The following IL12RB2 variants were observed in gnomAD, a reference collection of about 807,000 sequenced individuals.
IL12RB2 encodes the protein interleukin 12 receptor subunit beta 2.
A neutral mutation model predicts 89.4 loss-of-function variants in IL12RB2; 82 were observed. That is an observed-to-expected ratio of 0.92 (90% CI 0.77 to 1.10). IL12RB2 has a LOEUF of 1.10. Ranked by LOEUF, IL12RB2 falls within the 50% of genes least tolerant of loss-of-function variation. The pLI is 0.00. For synonymous variants in IL12RB2, 368 were observed against 370.1 expected (o/e 0.99, Z 0.07); for missense variants, 963 against 1,031.9 (o/e 0.93, Z 0.92).
chr1:67,394,481 G>T (rs905989454), intron 16 of IL12RB2, among the ~76,000 whole-genome samples: 1 of 151,870 alleles, frequency 6.6e-6, no homozygotes, highest in Non-Finnish European at 1.5e-5. Context: ...ATAAGTGAGA[G>T]AATTAATTAA....
At chr1:67,364,836 T>C (rs1331277646) in intron 10 of IL12RB2, among the ~76,000 whole-genome samples, 1 of 152,200 alleles carries the variant, frequency 6.6e-6, no homozygotes, top group Non-Finnish European at 1.5e-5. Context: ...GCCAACATCA[T>C]CTAACAACAG....
rs951267896 is a variant in IL12RB2, at chr1:67,398,446, C to T, written c.*2357C>T. Among the ~76,000 whole-genome samples the T allele has an allele frequency of 4.0e-5, 6 of 151,878 alleles. No homozygotes were observed. The highest frequency in any genetic ancestry group is 7.4e-5 in the Non-Finnish European group (5 of 67,972). On this transcript the variant is annotated 3_prime_UTR_variant, in exon 17 of 17. Transcript: ENST00000674203. ...TACCAAGTCTCCCATTTAACCTCCC[C>T]ATCCTTTTCTTTCCCTTAAAGTCTC... is the stretch of plus-strand genomic sequence containing the variant.
intron 16 of IL12RB2, among the ~76,000 whole-genome samples, chr1:67,391,388 T>TAC (rs111985818): frequency 0.054 from 7,749 of 144,360 alleles, 277 homozygotes; most frequent in Admixed American, 0.075. Flanking sequence ...TGTGTGTCTA[T>TAC]ACACACACAC....
intron 8 of IL12RB2, 52 bp downstream of exon 8, chr1:67,330,862 G>T (rs764144222): frequency 2.1e-6 from 2 of 960,312 alleles, no homozygotes; most frequent in Non-Finnish European, 3.4e-6. Context: ...GGGGAGAGAG[G>T]GGGGAAGATG....
At chr1:67,355,174 G>A (rs1465992499) in intron 10 of IL12RB2, among the ~76,000 whole-genome samples, 1 of 152,174 alleles carries the variant, frequency 6.6e-6, no homozygotes, top group African/African-American at 2.4e-5. Context: ...AGGACTTTGG[G>A]AGGCCGAGGC....
chr1:67,395,474 GGAACCCTGGA>G, intron 16 of IL12RB2, 63 bp from the exon 17 acceptor site: 1 of 1,612,828 alleles, frequency 6.2e-7, no homozygotes, highest in Admixed American at 1.7e-5. Flanking sequence ...GAGGCCTTTG[GGAACCCTGGA>G]GAAATAGGTT....
intron 2 of IL12RB2, among the ~76,000 whole-genome samples, chr1:67,315,430 ATTCAT>A (rs1655634595): frequency 6.6e-6 from 1 of 152,282 alleles, no homozygotes; most frequent in Non-Finnish European, 1.5e-5. Context: ...CTATGTAGCC[ATTCAT>A]TCAGTTATCT....
intron 10 of IL12RB2, among the ~76,000 whole-genome samples, chr1:67,363,005 C>T (rs12041522): frequency 0.14 from 20,720 of 151,258 alleles, 2,115 homozygotes; most frequent in African/African-American, 0.28. Flanking sequence ...CTGGTTCAAG[C>T]GATTCTCCTG....
intron 7 of IL12RB2, among the ~76,000 whole-genome samples, chr1:67,330,278 A>ATTTTTT (rs771296432): frequency 0.19 from 21,208 of 109,260 alleles, 1,568 homozygotes; most frequent in Middle Eastern, 0.29. Context: ...TTTTTTAAAA[A>ATTTTTT]AAAAAAAAGC....
At chr1:67,341,559 G>GA (rs373838579) in intron 9 of IL12RB2, among the ~76,000 whole-genome samples, 2 of 132,990 alleles carry the variant, frequency 1.5e-5, no homozygotes, top group South Asian at 2.5e-4. Flanking sequence ...AAGAAAGAAA[G>GA]AAAGAAAGAA....
intron 1 of IL12RB2, among the ~76,000 whole-genome samples, chr1:67,311,888 A>T (rs1397050246): frequency 6.6e-6 from 1 of 152,228 alleles, no homozygotes; most frequent in African/African-American, 2.4e-5. Context: ...AATGCCTTGT[A>T]GTACTTTATG....
In IL12RB2 at chr1:67,395,621, C is replaced by G. The variant is rs750397230; in HGVS notation, c.2121C>G (p.Ile707Met). The G allele has an allele frequency of 6.2e-7, 1 of 1,614,230 alleles. No individual in the cohort carries two copies. Among genetic ancestry groups the G allele is most frequent in the South Asian group, 1.1e-5 (1 of 91,088 alleles). The change falls in exon 17 of 17, where the codon ATC becomes ATG. Residue 707 changes from isoleucine (I) to methionine (M), a missense_variant. Ile to Met is a conservative substitution (Grantham distance 10). Transcript: ENST00000674203. ...CTGAAGATCCTGAACCGCTGGTCAT[C>G]AGTGAAGTCCTTCATCAAGTGACCC... ...PTPEDPEPLVISEVLHQVTPV... is the reference protein window; with the variant it reads ...PTPEDPEPLVMSEVLHQVTPV...
chr1:67,336,052 C>A (rs1335661759), intron 8 of IL12RB2, among the ~76,000 whole-genome samples: 1 of 152,142 alleles, frequency 6.6e-6, no homozygotes, highest in African/African-American at 2.4e-5. Context: ...TGCTGTGGTA[C>A]AAGTCAACTG....
At chr1:67,330,895 T>A (rs1657994834) in intron 8 of IL12RB2, 85 bp downstream of exon 8, 3 of 815,078 alleles carry the variant, frequency 3.7e-6, no homozygotes, top group South Asian at 2.7e-5. Flanking sequence ...TGGAATAGAA[T>A]CTTTAAACTA....
chr1:67,323,702 C>T lies in IL12RB2; in HGVS notation c.364+1813C>T, dbSNP rs989420626. Among the ~76,000 whole-genome samples the T allele has an allele frequency of 4.1e-4, 62 of 152,136 alleles. 1 individual carries two copies. Among genetic ancestry groups the T allele is most frequent in the Non-Finnish European group, 1.2e-4 (8 of 68,012 alleles). On this transcript the variant is annotated intron_variant, in intron 4 of 16. Coordinates refer to ENST00000674203, the MANE Select transcript of IL12RB2 (RefSeq NM_001374259.2). The stretch of plus-strand genomic sequence containing the variant: ...GCTCAAAATATTTCCTCGCATGCAC[C>T]CTTTCCCAGGGAACTACTGGAGGCT...
intron 16 of IL12RB2, among the ~76,000 whole-genome samples, chr1:67,391,641 A>G (rs1665841885): frequency 1.4e-5 from 2 of 143,732 alleles, no homozygotes; most frequent in South Asian, 4.4e-4. Flanking sequence ...AGGTCGTATG[A>G]TTTTTTTTTT....
intron 3 of IL12RB2, 91 bp downstream of exon 3, chr1:67,320,535 G>A: frequency 1.9e-6 from 3 of 1,595,366 alleles, no homozygotes; most frequent in South Asian, 1.1e-5. Context: ...AAATGTTCTG[G>A]TAGTTGGTCT....
At chr1:67,383,730 A>AT (rs1664845578) in intron 14 of IL12RB2, among the ~76,000 whole-genome samples, 1 of 152,248 alleles carries the variant, frequency 6.6e-6, no homozygotes. Context: ...GATCCACTTA[A>AT]GCCTAGTGTT....
At chr1:67,333,302 T>A (rs1188880969) in intron 8 of IL12RB2, among the ~76,000 whole-genome samples, 1 of 152,096 alleles carries the variant, frequency 6.6e-6, no homozygotes, top group African/African-American at 2.4e-5. Context: ...ACGTAAAAGG[T>A]GTGAATTTTT....
Sources: allele counts gnomAD v4.1 joint callset (sites outside exome capture counted in the v4.1 genomes callset), GRCh38; gene constraint gnomAD v4.1.1; transcripts MANE v1.5; gene names NCBI Gene and HGNC (gene_info 2026-07-23, HGNC 2026-07-21).